The following VMP1 variants were observed in gnomAD, a reference collection of about 807,000 sequenced individuals.
VMP1 encodes the protein vacuole membrane protein 1, also known as ectopic P-granules autophagy protein 3 homolog.
Under a neutral mutation model 56.0 loss-of-function variants are expected in VMP1, and 11 were observed. The ratio of observed to expected loss-of-function variants is 0.20; its 90% confidence interval spans 0.12 to 0.32. The LOEUF (loss-of-function observed/expected upper bound fraction) is 0.32, where lower values mean the gene tolerates loss of function less well. VMP1 is among the 10% of genes least tolerant of loss of function. VMP1 has a pLI of 1.00. For missense variants in VMP1, 296 were observed against 490.3 expected (o/e 0.60, Z 3.74); for synonymous variants, 149 against 165.0 (o/e 0.90, Z 0.74).
chr17:59,764,289 A>G (rs1026916908), intron 5 of VMP1, among the ~76,000 whole-genome samples: 4 of 152,116 alleles, frequency 2.6e-5, no homozygotes, highest in Non-Finnish European at 1.5e-5. Context: ...GTTGCCGGGG[A>G]CTAGGACTTG....
At chr17:59,751,154 G>C (rs989160162) in intron 5 of VMP1, among the ~76,000 whole-genome samples, 2 of 151,858 alleles carry the variant, frequency 1.3e-5, no homozygotes, top group Non-Finnish European at 2.9e-5. Flanking sequence ...GGATGGTCTT[G>C]ATCTCCTGAC....
chr17:59,795,071 C>T, intron 7 of VMP1, among the ~76,000 whole-genome samples: 1 of 142,438 alleles, frequency 7.0e-6, no homozygotes, highest in Non-Finnish European at 1.5e-5. Context: ...GATCTTGGCT[C>T]ACCACAACCT....
chr17:59,794,451 C>T (rs1169193659), intron 7 of VMP1, among the ~76,000 whole-genome samples: 2 of 149,878 alleles, frequency 1.3e-5, no homozygotes, highest in African/African-American at 4.9e-5. Flanking sequence ...AACTCCTAAC[C>T]TCATGATCTG....
chr17:59,809,248 C>T (rs1598425433), intron 8 of VMP1, among the ~76,000 whole-genome samples: 2 of 150,068 alleles, frequency 1.3e-5, no homozygotes, highest in African/African-American at 4.9e-5. Flanking sequence ...CCACCTGCCT[C>T]GGCCTCCCAA....
chr17:59,770,874 G>A (rs1232303735), intron 6 of VMP1, among the ~76,000 whole-genome samples: 1 of 151,968 alleles, frequency 6.6e-6, no homozygotes, highest in Non-Finnish European at 1.5e-5. Context: ...TCACATTTAT[G>A]CTGAAGAAAC....
chr17:59,815,001 G>A (rs956160482), intron 9 of VMP1, among the ~76,000 whole-genome samples: 9 of 152,172 alleles, frequency 5.9e-5, no homozygotes, highest in South Asian at 2.1e-4. Flanking sequence ...CACACACACC[G>A]ATTTTTTTCT....
In VMP1 at chr17:59,841,166, GTTTTTTTGGTTTGT is replaced by G; in HGVS notation, c.*1260_*1273del. On this transcript the variant is annotated 3_prime_UTR_variant, in exon 12 of 12. Coordinates refer to ENST00000262291, the MANE Select transcript of VMP1 (RefSeq NM_030938.5). ...ATCTTAACAGGCCAGAAATGCCTGG[GTTTTTTTGGTTTGT>G]TTTTGTTTTTGTTTTTTTATCAAAT... 2.7e-6 allele frequency: 1 copy of G among 370,766 alleles called. No individual in the cohort carries two copies. The highest frequency in any genetic ancestry group is 6.1e-6 in the Non-Finnish European group (1 of 162,916). 23.0% of individuals were successfully genotyped at this position (370,766 alleles called of 1,614,324 possible).
In VMP1 at chr17:59,742,522, CAATAAT is replaced by C. The variant is rs71370113; in HGVS notation, c.414+3604_414+3609del. On this transcript the variant is annotated intron_variant, in intron 5 of 11. Coordinates refer to ENST00000262291, the MANE Select transcript of VMP1 (RefSeq NM_030938.5). Reference sequence around the variant, plus strand: ...ACAGAGCAAAACCCTGTCTCAAAAACAATAATAATAATAATAATAATAATAATAATA... The same window carrying C: ...ACAGAGCAAAACCCTGTCTCAAAAACAATAATAATAATAATAATAATAATA... 3.6e-3 allele frequency among the ~76,000 whole-genome samples: 515 copies of C among 142,924 alleles called. 2 individuals carry two copies. The highest frequency in any genetic ancestry group is 0.011 in the African/African-American group (442 of 39,100). 93.8% of individuals were successfully genotyped at this position (142,924 alleles called of 152,430 possible).
chr17:59,797,293 C>T (rs1278897490), intron 7 of VMP1, among the ~76,000 whole-genome samples: 1 of 148,388 alleles, frequency 6.7e-6, no homozygotes, highest in Non-Finnish European at 1.5e-5. Context: ...GCCGAGATCA[C>T]GCCATGCCAC....
chr17:59,808,056 C>T (rs897468142), intron 7 of VMP1, among the ~76,000 whole-genome samples: 8 of 151,990 alleles, frequency 5.3e-5, no homozygotes, highest in Non-Finnish European at 1.2e-4. Flanking sequence ...ATCAACATGC[C>T]GAAAGAACTA....
At position 59,815,933 on chromosome 17, in the gene VMP1, T is replaced by C. The variant is rs548171200; in HGVS notation, c.913-1779T>C. 5.3e-5 allele frequency among the ~76,000 whole-genome samples: 8 copies of C among 152,218 alleles called. No homozygotes were observed. The South Asian group carries it at 1.7e-3, about 32-fold the overall frequency. On this transcript the variant is annotated intron_variant, in intron 9 of 11. Coordinates refer to ENST00000262291, the MANE Select transcript of VMP1 (RefSeq NM_030938.5). ...CAGATGGTTCCATCTTTGTTCATTC[T>C]AGCACAATTAGTTTCTCCCTCCCAT...
At chr17:59,828,284 A>C (rs2038706168) in intron 10 of VMP1, among the ~76,000 whole-genome samples, 1 of 152,246 alleles carries the variant, frequency 6.6e-6, no homozygotes, top group Non-Finnish European at 1.5e-5. Flanking sequence ...ATGATAAGGA[A>C]GTCTAACCTC....
At chr17:59,771,711 A>T (rs1250093337) in intron 6 of VMP1, among the ~76,000 whole-genome samples, 1 of 146,640 alleles carries the variant, frequency 6.8e-6, no homozygotes, top group African/African-American at 2.5e-5. Flanking sequence ...GGCCCAGGTG[A>T]TCCTCCTACC....
chr17:59,808,764 T>G (rs2645487), intron 7 of VMP1, 32 bp from the exon 8 acceptor site: 365,198 of 1,554,474 alleles, frequency 0.23, 46,932 homozygotes, highest in East Asian at 0.46. Flanking sequence ...TTCCTACTTC[T>G]CATTAATGTT....
At chr17:59,709,577 G>A (rs1450284894) in intron 1 of VMP1, among the ~76,000 whole-genome samples, 2 of 152,112 alleles carry the variant, frequency 1.3e-5, no homozygotes, top group African/African-American at 2.4e-5. Context: ...CTTAGAACTG[G>A]AGATATGTCA....
intron 5 of VMP1, among the ~76,000 whole-genome samples, chr17:59,753,349 A>G (rs2035723738): frequency 6.6e-6 from 1 of 152,168 alleles, no homozygotes; most frequent in Non-Finnish European, 1.5e-5. Flanking sequence ...CCTTGTAATT[A>G]TTTCCCACTA....
At chr17:59,790,060 G>A (rs1329916759) in intron 7 of VMP1, among the ~76,000 whole-genome samples, 3 of 151,538 alleles carry the variant, frequency 2.0e-5, no homozygotes, top group Non-Finnish European at 4.4e-5. Flanking sequence ...AGGCTGGTCC[G>A]GAACACTTGA....
intron 10 of VMP1, among the ~76,000 whole-genome samples, chr17:59,823,903 A>G (rs541325593): frequency 6.6e-6 from 1 of 152,268 alleles, no homozygotes; most frequent in South Asian, 2.1e-4. Context: ...AAGACAAGCA[A>G]GAAAAAAGCC....
At chr17:59,753,638 C>G (rs2143922250) in intron 5 of VMP1, among the ~76,000 whole-genome samples, 1 of 152,264 alleles carries the variant, frequency 6.6e-6, no homozygotes, top group Middle Eastern at 3.4e-3. Flanking sequence ...CTAGGTGGAG[C>G]AGTTTCCTGG....
Sources: gnomAD v4.1 joint callset for allele counts (sites outside exome capture counted in the v4.1 genomes callset) on GRCh38, gnomAD v4.1.1 for gene constraint, MANE v1.5 for transcripts, NCBI Gene and HGNC (gene_info 2026-07-23, HGNC 2026-07-21) for gene names.